WNT3A: variants seen among roughly 807,000 people sequenced by gnomAD.
WNT3A encodes Wnt family member 3A.
Under a neutral mutation model 37.0 loss-of-function variants are expected in WNT3A, and 17 were observed. That is an observed-to-expected ratio of 0.46 (90% CI 0.31 to 0.69). The LOEUF (loss-of-function observed/expected upper bound fraction) is 0.69. WNT3A is among the 30% of genes least tolerant of loss of function. The pLI is 0.05. For synonymous variants in WNT3A, 187 were observed against 211.0 expected (o/e 0.89, Z 0.99); for missense variants, 411 against 510.2 (o/e 0.81, Z 1.87).
At chr1:228,055,318 G>A (rs867969411) in intron 3 of WNT3A, among the ~76,000 whole-genome samples, 18 of 146,878 alleles carry the variant, frequency 1.2e-4, no homozygotes, top group African/African-American at 2.0e-4. Flanking sequence ...GAACACTTCC[G>A]TCTGCACTCT....
chr1:228,036,897 G>A (rs2031156844), intron 2 of WNT3A, among the ~76,000 whole-genome samples: 1 of 152,224 alleles, frequency 6.6e-6, no homozygotes, highest in South Asian at 2.1e-4. Context: ...TCTAGGCCAG[G>A]TGGGGCATGT....
At chr1:228,044,278 C>G (rs1230525757) in intron 2 of WNT3A, among the ~76,000 whole-genome samples, 1 of 152,200 alleles carries the variant, frequency 6.6e-6, no homozygotes, top group Non-Finnish European at 1.5e-5. Flanking sequence ...GTCCCCTCGT[C>G]CAACCCAGTG....
At chr1:228,010,296 G>T (rs2030332025) in intron 1 of WNT3A, among the ~76,000 whole-genome samples, 1 of 152,088 alleles carries the variant, frequency 6.6e-6, no homozygotes, top group South Asian at 2.1e-4. Context: ...TCTCCCCAGG[G>T]ACCCCACCAG....
intron 3 of WNT3A, among the ~76,000 whole-genome samples, chr1:228,053,400 G>A (rs991566651): frequency 6.6e-6 from 1 of 152,178 alleles, no homozygotes; most frequent in African/African-American, 2.4e-5. Context: ...GAATATCTTT[G>A]TGACCTTAGA....
chr1:228,022,624 C>A, intron 1 of WNT3A, 43 bp from the exon 2 acceptor site: 4 of 1,582,736 alleles, frequency 2.5e-6, no homozygotes, highest in Non-Finnish European at 1.7e-6. Flanking sequence ...ATCTGTGTCG[C>A]TGTCCCAGCC....
intron 2 of WNT3A, among the ~76,000 whole-genome samples, chr1:228,036,632 C>A (rs1425112934): frequency 1.3e-5 from 2 of 152,268 alleles, no homozygotes; most frequent in East Asian, 1.9e-4. Context: ...GGGTAGAAAG[C>A]ATTTGAGGAA....
chr1:228,045,932 GAGCCAAACAGTCCCTGCCCCTAGGC>G (rs912599372), intron 2 of WNT3A, among the ~76,000 whole-genome samples: 1 of 152,196 alleles, frequency 6.6e-6, no homozygotes, highest in African/African-American at 2.4e-5. Context: ...AATAAAAGGT[GAGCCAAACAGTCCCTGCCCCTAGGC>G]AGCCGCGGCT....
At chr1:228,017,993 T>C (rs1206970625) in intron 1 of WNT3A, among the ~76,000 whole-genome samples, 1 of 152,232 alleles carries the variant, frequency 6.6e-6, no homozygotes. Flanking sequence ...ACGGGGGCTT[T>C]GCCATTGGCT....
rs528142990 is a variant in WNT3A at position 228,030,226 on chromosome 1, C to T, written c.313+7318C>T. On this transcript the variant is annotated intron_variant, in intron 2 of 3. Coordinates refer to ENST00000284523, the MANE Select transcript of WNT3A (RefSeq NM_033131.4). ...CCTGGCTAACATGGTGAAACCCTGC[C>T]TCTACTAAAATACAAAAAAATTAGC... 5.9e-5 allele frequency among the ~76,000 whole-genome samples: 9 copies of T among 151,950 alleles called. No individual in the cohort carries two copies. In the South Asian group the frequency reaches 1.9e-3, roughly 32 times the overall value.
At position 228,060,960 on chromosome 1, in the gene WNT3A, G is replaced by C. The variant is rs1180974454; in HGVS notation, c.*1495G>C. The C allele has an allele frequency of 1.3e-5, 2 of 152,542 alleles. No homozygotes were observed. Among genetic ancestry groups the C allele is most frequent in the Admixed American group, 1.3e-4 (2 of 15,288 alleles). The allele number at this position is 152,542 out of a possible 1,614,324, so 9.4% of individuals were successfully genotyped here. ...TTCCTGGCCCCTCATGGCGGGACTG[G>C]AGAAATGGTCCGCTTTCCTGGAGCC... is the stretch of plus-strand genomic sequence containing the variant. On this transcript the variant is annotated 3_prime_UTR_variant, in exon 4 of 4. Transcript: ENST00000284523.
intron 2 of WNT3A, among the ~76,000 whole-genome samples, chr1:228,033,069 C>A (rs2031049584): frequency 6.6e-6 from 1 of 152,208 alleles, no homozygotes; most frequent in Admixed American, 6.5e-5. Context: ...ATATAGTCTG[C>A]TTACAAGTCC....
chr1:228,007,090 G>T lies in WNT3A; in HGVS notation c.-39G>T, dbSNP rs764847553. 3.4e-6 allele frequency: 5 copies of T among 1,491,386 alleles called. No homozygotes were observed. Among genetic ancestry groups the T allele is most frequent in the East Asian group, 3.0e-5 (1 of 33,762 alleles). The allele number at this position is 1,491,386 out of a possible 1,614,324, so 92.4% of individuals were successfully genotyped here. ...GGCCCCCCCCGGCGCTCACGCTCTC[G>T]GGGCGGACTCCCGGCCCTCCGCGCC... On this transcript the variant is annotated 5_prime_UTR_variant, in exon 1 of 4. Transcript: ENST00000284523. This position sits in a 1 kb window ranked among gnomAD's most constrained non-coding sequence, Gnocchi z 6.0.
intron 1 of WNT3A, among the ~76,000 whole-genome samples, chr1:228,020,527 T>C (rs534240437): frequency 2.6e-4 from 39 of 152,262 alleles, no homozygotes; most frequent in Admixed American, 2.2e-3. Context: ...GTCATCCAGT[T>C]GCCGGGACTC....
chr1:228,050,892 A>G lies in WNT3A; in HGVS notation c.550A>G (p.Asn184Asp). ...CCGGCCAGATGCCCGCTCAGCCATG[A>G]ACCGCCACAACAACGAGGCTGGGCG... ...ENRPDARSAMNRHNNEAGRQA... is the reference protein window; with the variant it reads ...ENRPDARSAMDRHNNEAGRQA... The change falls in exon 3 of 4, where the codon AAC becomes GAC. Residue 184 changes from asparagine (N) to aspartate (D), a missense_variant. Physicochemically the swap from Asn to Asp is conservative, Grantham distance 23 (BLOSUM62 1). Transcript: ENST00000284523. This position sits in a 1 kb window ranked among gnomAD's most constrained non-coding sequence, Gnocchi z 5.0. 1.3e-6 allele frequency: 2 copies of G among 1,552,948 alleles called. No individual in the cohort carries two copies. The highest frequency in any genetic ancestry group is 1.7e-6 in the Non-Finnish European group (2 of 1,147,382).
In WNT3A at chr1:228,008,470, T is replaced by C. The variant is rs2030270797; in HGVS notation, c.71+1271T>C. On this transcript the variant is annotated intron_variant, in intron 1 of 3. Transcript: ENST00000284523. This position sits in a 1 kb window ranked among gnomAD's most constrained non-coding sequence, Gnocchi z 4.9. ...AGGGGAAGGGGCAGCCCTAGGCAGC[T>C]GAAGGGCCTGGAAGAGGCCACGAGG... 6.6e-6 allele frequency among the ~76,000 whole-genome samples: 1 copy of C among 152,180 alleles called. No individual in the cohort carries two copies. The highest frequency in any genetic ancestry group is 2.4e-5 in the African/African-American group (1 of 41,450).
intron 1 of WNT3A, among the ~76,000 whole-genome samples, chr1:228,012,378 G>T (rs1281463769): frequency 1.3e-5 from 2 of 152,248 alleles, no homozygotes; most frequent in Non-Finnish European, 2.9e-5. Flanking sequence ...ATTTAAAAAG[G>T]ATTTGGTGAC....
At chr1:228,011,918 G>A (rs1479319397) in intron 1 of WNT3A, among the ~76,000 whole-genome samples, 3 of 152,214 alleles carry the variant, frequency 2.0e-5, no homozygotes, top group Admixed American at 6.5e-5. Flanking sequence ...GCCAGGATCC[G>A]TAGCCGCCTC....
chr1:228,034,509 G>C (rs988352168), intron 2 of WNT3A, among the ~76,000 whole-genome samples: 2 of 152,166 alleles, frequency 1.3e-5, no homozygotes, highest in Non-Finnish European at 2.9e-5. Context: ...TAGCAGAGTT[G>C]AGAGTGGACA....
chr1:228,025,807 G>C (rs2030839031), intron 2 of WNT3A, among the ~76,000 whole-genome samples: 1 of 152,140 alleles, frequency 6.6e-6, no homozygotes. Context: ...GTCTGGCTCT[G>C]TCACCTAGGC....
Sources: allele counts gnomAD v4.1 joint callset (sites outside exome capture counted in the v4.1 genomes callset), GRCh38; gene constraint gnomAD v4.1.1; non-coding constraint Gnocchi (gnomAD v3.1); transcripts MANE v1.5; gene names NCBI Gene and HGNC (gene_info 2026-07-23, HGNC 2026-07-21).